MINDY2: variants seen among roughly 807,000 people sequenced by gnomAD.
MINDY2 encodes the protein ubiquitin carboxyl-terminal hydrolase MINDY-2.
Under a neutral mutation model 68.2 loss-of-function variants are expected in MINDY2, and 52 were observed. The observed-to-expected ratio is 0.76, with a 90% CI of 0.61 to 0.96. The LOEUF (loss-of-function observed/expected upper bound fraction) is 0.96. Ranked by LOEUF, MINDY2 falls within the 40% of genes least tolerant of loss-of-function variation. MINDY2 has a pLI of 0.00. For synonymous variants in MINDY2, 372 were observed against 303.0 expected (o/e 1.23, Z -2.36); for missense variants, 881 against 773.4 (o/e 1.14, Z -1.65).
chr15:58,847,240 A>G (rs1287868649), intron 6 of MINDY2, 57 bp from the exon 7 acceptor site: 9 of 1,339,422 alleles, frequency 6.7e-6, no homozygotes, highest in East Asian at 2.3e-5. Context: ...CTTAAATATT[A>G]TATTACTAGT....
chr15:58,785,135 CAAA>C (rs397719705), intron 1 of MINDY2, among the ~76,000 whole-genome samples: 4 of 68,456 alleles, frequency 5.8e-5, no homozygotes, highest in East Asian at 4.6e-4. Flanking sequence ...TGAAGGAAAG[CAAA>C]AAAAAAAAAA....
chr15:58,836,849 GGCTCAAGCAGTCT>G (rs1264946233), intron 6 of MINDY2, among the ~76,000 whole-genome samples: 2 of 151,934 alleles, frequency 1.3e-5, no homozygotes, highest in East Asian at 3.9e-4. Flanking sequence ...TGAGCTCCTG[GGCTCAAGCAGTCT>G]GCCCAACTCA....
At chr15:58,850,276 G>A (rs533213580) in intron 7 of MINDY2, among the ~76,000 whole-genome samples, 48 of 152,336 alleles carry the variant, frequency 3.2e-4, no homozygotes, top group East Asian at 2.1e-3. Flanking sequence ...GATGGCTACT[G>A]TGTTGGCTTT....
intron 1 of MINDY2, among the ~76,000 whole-genome samples, chr15:58,780,657 T>C (rs748166019): frequency 6.6e-6 from 1 of 152,202 alleles, no homozygotes; most frequent in South Asian, 2.1e-4. Context: ...TACCAGTTGG[T>C]CTTTATACAG....
intron 2 of MINDY2, among the ~76,000 whole-genome samples, chr15:58,798,842 C>G (rs1402931061): frequency 1.3e-5 from 2 of 152,300 alleles, no homozygotes; most frequent in African/African-American, 4.8e-5. Context: ...TAAGTATACT[C>G]TAACCACGAA....
rs140345884 is a variant in MINDY2, at chr15:58,826,707, T to C, written c.1225+4888T>C. Among the ~76,000 whole-genome samples the C allele has an allele frequency of 1.1e-3, 160 of 152,364 alleles. 1 individual carries two copies. The highest frequency in any genetic ancestry group is 5.0e-3 in the East Asian group (26 of 5,192). Reference sequence around the variant, plus strand: ...ATTGATACAATATTATTTAATATATTGTTCATATCAGAATTCTCCCGTTTT... The same window carrying C: ...ATTGATACAATATTATTTAATATATCGTTCATATCAGAATTCTCCCGTTTT... On this transcript the variant is annotated intron_variant, in intron 5 of 8. Transcript: ENST00000559228.
At chr15:58,821,640 T>C (rs1164144155) in intron 4 of MINDY2, 77 bp from the exon 5 acceptor site, 1 of 780,228 alleles carries the variant, frequency 1.3e-6, no homozygotes, top group East Asian at 3.5e-5. Flanking sequence ...AGAATAAAAT[T>C]CTAAAGAGTG....
At chr15:58,852,897 T>G (rs1199044579) in intron 8 of MINDY2, among the ~76,000 whole-genome samples, 1 of 150,064 alleles carries the variant, frequency 6.7e-6, no homozygotes. Flanking sequence ...TTTTTATGTT[T>G]ATACCATGCC....
At chr15:58,786,956 A>G (rs749806751) in intron 1 of MINDY2, among the ~76,000 whole-genome samples, 2 of 152,002 alleles carry the variant, frequency 1.3e-5, no homozygotes, top group African/African-American at 2.4e-5. Context: ...CAGCCTCCCA[A>G]GTAGCTGGGA....
chr15:58,782,844 A>G (rs1463378627), intron 1 of MINDY2, among the ~76,000 whole-genome samples: 3 of 149,658 alleles, frequency 2.0e-5, no homozygotes. Context: ...AGGATTGCTG[A>G]GGATTCAGGT....
At chr15:58,828,791 G>A (rs1486646096) in intron 5 of MINDY2, among the ~76,000 whole-genome samples, 8 of 151,846 alleles carry the variant, frequency 5.3e-5, no homozygotes, top group Admixed American at 4.6e-4. Flanking sequence ...TCGATCTCCT[G>A]ACCTCATGAT....
rs554440238 is a variant in MINDY2 at position 58,855,075 on chromosome 15, A to G, written c.*465A>G. On this transcript the variant is annotated 3_prime_UTR_variant, in exon 9 of 9. Coordinates refer to ENST00000559228, the MANE Select transcript of MINDY2 (RefSeq NM_001040450.3). Reference sequence around the variant, plus strand: ...ATTCATGAGAAACCACGGGTTTAACATAGGGATTCAAAAAAACAAAAACAA... The same window carrying G: ...ATTCATGAGAAACCACGGGTTTAACGTAGGGATTCAAAAAAACAAAAACAA... 2 of 153,698 alleles carry G rather than the reference A, an allele frequency of 1.3e-5. No homozygotes were observed. The highest frequency in any genetic ancestry group is 4.1e-4 in the South Asian group (2 of 4,898). 9.5% of individuals were successfully genotyped at this position (153,698 alleles called of 1,614,324 possible). A position where few individuals can be genotyped will look rare whatever the true frequency, so the allele number is the denominator to read the frequency against.
intron 6 of MINDY2, among the ~76,000 whole-genome samples, chr15:58,841,684 C>T (rs962217939): frequency 8.5e-5 from 13 of 152,132 alleles, no homozygotes; most frequent in Admixed American, 2.0e-4. Flanking sequence ...GGATTACAGG[C>T]GTGAGCCACC....
In MINDY2 at chr15:58,831,936, A is replaced by C. The variant is rs761928488; in HGVS notation, c.1368+20A>C. ...TACAAGGTATGATATAGAAATAGCT[A>C]TTTAATCGTGATTCTAAATCAAAGG... On this transcript the variant is annotated intron_variant, in intron 6 of 8. Coordinates refer to ENST00000559228, the MANE Select transcript of MINDY2 (RefSeq NM_001040450.3). 2.5e-6 allele frequency: 4 copies of C among 1,595,702 alleles called. No homozygotes were observed. The highest frequency in any genetic ancestry group is 3.4e-6 in the Non-Finnish European group (4 of 1,173,142).
At chr15:58,789,254 T>C (rs1466968275) in intron 2 of MINDY2, among the ~76,000 whole-genome samples, 1 of 151,566 alleles carries the variant, frequency 6.6e-6, no homozygotes, top group Non-Finnish European at 1.5e-5. Flanking sequence ...AGGAGAATGG[T>C]GTGAACCCAG....
rs201611014 is a variant in MINDY2, at chr15:58,771,575, G to A, written c.180G>A (p.Arg60=). The change falls in exon 1 of 9, where the codon AGG becomes AGA. Residue 60 remains arginine (R), a synonymous_variant. Transcript: ENST00000559228. The stretch of plus-strand genomic sequence containing the variant: ...ATGGGCTGGGGGCGGCGGCCGCCAG[G>A]AGGAGCCTCCCGGACTCGGCTTCTC... The part of the protein sequence containing the change: ...GGNGLGAAAA[R]RSLPDSASPA... 6.0e-4 allele frequency: 970 copies of A among 1,611,576 alleles called. 4 individuals are homozygous for A. In the African/African-American group the frequency reaches 0.012, roughly 19 times the overall value.
chr15:58,837,968 C>CAAAAAAAAAAAAAAAAAA (rs34909401), intron 6 of MINDY2, among the ~76,000 whole-genome samples: 1 of 75,124 alleles, frequency 1.3e-5, no homozygotes, highest in Non-Finnish European at 2.8e-5. Flanking sequence ...GACCTTCTTT[C>CAAAAAAAAAAAAAAAAAA]AAAAAAAAAA....
At chr15:58,773,346 G>C (rs536224987) in intron 1 of MINDY2, among the ~76,000 whole-genome samples, 2 of 152,300 alleles carry the variant, frequency 1.3e-5, no homozygotes, top group East Asian at 1.9e-4. Flanking sequence ...CAAGTAAAGG[G>C]AATAGTGTTT....
Position 58,787,603 on chromosome 15 carries a change from G to C in MINDY2, c.841-303G>C, listed in dbSNP as rs530212646. The stretch of plus-strand genomic sequence containing the variant: ...TACAAAACAATTAGCCAGGTGTGGT[G>C]GTGGGTGCCTGTAGTCCCAGCTACT... On this transcript the variant is annotated intron_variant, in intron 1 of 8. Transcript: ENST00000559228. Among the ~76,000 whole-genome samples, 164 of 151,934 alleles carry C rather than the reference G, an allele frequency of 1.1e-3. 1 individual carries two copies. Among genetic ancestry groups the C allele is most frequent in the Admixed American group, 9.5e-3 (144 of 15,238 alleles).
Sources: gnomAD v4.1 joint callset for allele counts (sites outside exome capture counted in the v4.1 genomes callset) on GRCh38, gnomAD v4.1.1 for gene constraint, MANE v1.5 for transcripts, NCBI Gene and HGNC (gene_info 2026-07-23, HGNC 2026-07-21) for gene names.